The following SERPINA5 variants were observed in gnomAD, a reference collection of about 807,000 sequenced individuals.
SERPINA5 encodes serpin family A member 5, also known as plasma serine protease inhibitor.
Under a neutral mutation model 25.3 loss-of-function variants are expected in SERPINA5, and 25 were observed. The ratio of observed to expected loss-of-function variants is 0.99; its 90% confidence interval spans 0.72 to 1.38. The LOEUF (loss-of-function observed/expected upper bound fraction) is 1.38, where lower values mean the gene tolerates loss of function less well. SERPINA5 is among the 40% of genes most tolerant of loss of function. The probability of loss-of-function intolerance (pLI) is 0.00; values close to 1 mark genes in which losing one functional copy is unlikely to be tolerated. For synonymous variants in SERPINA5, 234 were observed against 206.2 expected, an observed-to-expected ratio of 1.14 and a Z score of -1.16; for missense variants, 599 against 509.5, an observed-to-expected ratio of 1.18 and a Z score of -1.69.
chr14:94,591,248 ATCCACTCCACTCC>A (rs1242235522), intron 5 of SERPINA5, among the ~76,000 whole-genome samples: 177 of 58,064 alleles, frequency 3.0e-3, no homozygotes, highest in Middle Eastern at 0.017. Context: ...CACTCCACTC[ATCCACTCCACTCC>A]TCCACTCCAC....
Position 94,592,142 on chromosome 14 carries a change from C to T in SERPINA5, c.1124C>T (p.Ala375Val). The T allele has an allele frequency of 6.2e-7, 1 of 1,614,156 alleles. No individual in the cohort carries two copies. The highest frequency in any genetic ancestry group is 8.5e-7 in the Non-Finnish European group (1 of 1,180,024). ...GGGACAATATTCACTTTCAGGTCGG[C>T]CCGCCTGAACTCTCAGAGGCTAGTG... ...ATGTIFTFRS[A>V]RLNSQRLVFN... The change falls in exon 6 of 6, where the codon GCC becomes GTC. Residue 375 changes from alanine (A) to valine (V), a missense_variant. By Grantham distance (64) the Ala-to-Val change is moderately conservative (BLOSUM62 0). Coordinates refer to ENST00000329597, the MANE Select transcript of SERPINA5 (RefSeq NM_000624.6).
rs773570187 is a variant in SERPINA5 at position 94,587,590 on chromosome 14, G to A, written c.228G>A (p.Leu76=). 1 of 1,613,980 alleles carries A rather than the reference G, an allele frequency of 6.2e-7. No homozygotes were observed. The highest frequency in any genetic ancestry group is 1.1e-5 in the South Asian group (1 of 91,054). The change falls in exon 3 of 6, where the codon CTG becomes CTA. Residue 76 remains leucine (L), a synonymous_variant. Transcript: ENST00000329597. ...FFSPVSISMS[L]AMLSLGAGSS... is the part of the protein sequence containing the mutation. ...CCCCTGTGAGCATCTCCATGAGCCT[G>A]GCCATGCTCTCCCTGGGGGCTGGGT...
rs777555012 is a variant in SERPINA5 at position 94,592,261 on chromosome 14, T to C, written c.*22T>C. The C allele has an allele frequency of 6.2e-7, 1 of 1,603,380 alleles. No individual in the cohort carries two copies. Among genetic ancestry groups the C allele is most frequent in the Non-Finnish European group, 8.5e-7 (1 of 1,173,182 alleles). On this transcript the variant is annotated 3_prime_UTR_variant, in exon 6 of 6. Transcript: ENST00000329597. ...CTGAGGTGGGGCTTCTCCTGAAATC[T>C]ACAGGCCTCAGGGTGGGAGATGAAG... is the stretch of plus-strand genomic sequence containing the variant.
intron 2 of SERPINA5, among the ~76,000 whole-genome samples, chr14:94,585,367 T>G (rs1885041359): frequency 6.6e-6 from 1 of 152,080 alleles, no homozygotes; most frequent in Admixed American, 6.5e-5. Context: ...AGGCTCCTTC[T>G]CGGAAGGAGC....
intron 5 of SERPINA5, among the ~76,000 whole-genome samples, chr14:94,591,211 C>A: frequency 6.8e-6 from 1 of 147,794 alleles, no homozygotes; most frequent in Non-Finnish European, 1.5e-5. Context: ...CTCCACATCT[C>A]CACTCCACTC....
chr14:94,582,966 G>A (rs547011569), intron 2 of SERPINA5, among the ~76,000 whole-genome samples: 2 of 152,296 alleles, frequency 1.3e-5, no homozygotes, highest in South Asian at 4.1e-4. Flanking sequence ...AAGGTTGGGG[G>A]AGGGTTCCAG....
chr14:94,585,687 G>A (rs1169658520), intron 2 of SERPINA5, among the ~76,000 whole-genome samples: 2 of 152,120 alleles, frequency 1.3e-5, no homozygotes, highest in East Asian at 1.9e-4. Context: ...GCGACACACA[G>A]GGCAAAGCTC....
rs1170856318 is a variant in SERPINA5, at chr14:94,587,441, A to G, written c.79A>G (p.Met27Val). The G allele has an allele frequency of 6.2e-7, 1 of 1,614,028 alleles. No individual in the cohort carries two copies. Residue 27 changes from methionine to valine, a missense_variant, in exon 3 of 6, where the codon ATG (methionine) becomes GTG (valine). Coordinates refer to ENST00000329597, the MANE Select transcript of SERPINA5 (RefSeq NM_000624.6). ...CCTTCACCGCCACCACCCCCGGGAG[A>G]TGAAGAAGAGAGTCGAGGACCTCCA... Reference protein sequence around the residue: ...ASLHRHHPREMKKRVEDLHVG... With the variant: ...ASLHRHHPREVKKRVEDLHVG...
intron 5 of SERPINA5, among the ~76,000 whole-genome samples, chr14:94,591,499 C>T (rs756253729): frequency 5.9e-5 from 9 of 151,766 alleles, no homozygotes; most frequent in Admixed American, 1.3e-4. Context: ...CCCCTCCACT[C>T]CATTCCATTG....
At position 94,592,407 on chromosome 14, in the gene SERPINA5, A is replaced by G. The variant is rs1885336029; in HGVS notation, c.*168A>G. The G allele has an allele frequency of 4.6e-6, 3 of 649,586 alleles. No individual in the cohort carries two copies. The highest frequency in any genetic ancestry group is 1.8e-5 in the African/African-American group (1 of 55,026). The allele number at this position is 649,586 out of a possible 1,614,324, so 40.2% of individuals were successfully genotyped here. A position where few individuals can be genotyped will look rare whatever the true frequency, so the allele number is the denominator to read the frequency against. On this transcript the variant is annotated 3_prime_UTR_variant, in exon 6 of 6. Transcript: ENST00000329597. ...GATTGCTTCCACCCACACGACTGCA[A>G]CATACAGGTGCCTTGGGGAAATGTG... is the stretch of plus-strand genomic sequence containing the variant.
chr14:94,587,197 C>A, intron 2 of SERPINA5, 149 bp from the exon 3 acceptor site: 1 of 712,210 alleles, frequency 1.4e-6, no homozygotes, highest in Non-Finnish European at 2.3e-6. Flanking sequence ...CTGTGTAAAC[C>A]CTCATGCCCA....
chr14:94,589,770 T>C (rs2069983), intron 3 of SERPINA5, among the ~76,000 whole-genome samples: 231 of 152,288 alleles, frequency 1.5e-3, no homozygotes, highest in African/African-American at 5.0e-3. Flanking sequence ...TCAGAGAACA[T>C]CAGGGGTCCA....
At chr14:94,591,549 G>GTTCTATTCTATTCTGTTCTA (rs1885292267) in intron 5 of SERPINA5, among the ~76,000 whole-genome samples, 1 of 108,222 alleles carries the variant, frequency 9.2e-6, no homozygotes, top group Non-Finnish European at 1.8e-5. Flanking sequence ...ATTCTGTTCT[G>GTTCTATTCTATTCTGTTCTA]TTCTATTCTA....
Position 94,587,580 on chromosome 14 carries a change from C to G in SERPINA5, c.218C>G (p.Ser73Cys). ...QSIFFSPVSI[S>C]MSLAMLSLGA... The stretch of plus-strand genomic sequence containing the variant: ...ATCTTCTTCTCCCCTGTGAGCATCT[C>G]CATGAGCCTGGCCATGCTCTCCCTG... The change falls in exon 3 of 6, where the codon TCC becomes TGC. Residue 73 changes from serine (S) to cysteine (C), a missense_variant. Ser to Cys is a moderately radical substitution (Grantham distance 112, BLOSUM62 -1). Transcript: ENST00000329597. 6.2e-7 allele frequency: 1 copy of G among 1,614,100 alleles called. No individual in the cohort carries two copies. Among genetic ancestry groups the G allele is most frequent in the Non-Finnish European group, 8.5e-7 (1 of 1,179,940 alleles).
chr14:94,588,011 T>C, intron 3 of SERPINA5, 30 bp downstream of exon 3: 3 of 1,588,018 alleles, frequency 1.9e-6, no homozygotes, highest in Non-Finnish European at 2.6e-6. Context: ...ACCTGCACTT[T>C]CTTTGGCTTT....
intron 5 of SERPINA5, among the ~76,000 whole-genome samples, 186 bp from the exon 6 acceptor site, chr14:94,591,871 C>T (rs181960588): frequency 9.2e-5 from 14 of 152,310 alleles, no homozygotes; most frequent in Admixed American, 2.0e-4. Flanking sequence ...CAGACACATG[C>T]GAAGTCACCC....
intron 5 of SERPINA5, among the ~76,000 whole-genome samples, chr14:94,591,138 T>G (rs1295003827): frequency 1.3e-5 from 2 of 148,614 alleles, no homozygotes; most frequent in Non-Finnish European, 3.0e-5. Flanking sequence ...TCCAGTTCAC[T>G]CTATTCCATT....
chr14:94,585,480 A>G (rs1333899048), intron 2 of SERPINA5, among the ~76,000 whole-genome samples: 2 of 152,124 alleles, frequency 1.3e-5, no homozygotes, highest in Non-Finnish European at 2.9e-5. Flanking sequence ...AATTCCTGAG[A>G]CCATTCTCTC....
At chr14:94,587,240 T>A in intron 2 of SERPINA5, 106 bp from the exon 3 acceptor site, 1 of 1,083,228 alleles carries the variant, frequency 9.2e-7, no homozygotes, top group Non-Finnish European at 1.3e-6. Context: ...TCTTTGAAGC[T>A]GAATGGACCA....
Sources: gnomAD v4.1 joint callset for allele counts (sites outside exome capture counted in the v4.1 genomes callset) on GRCh38, gnomAD v4.1.1 for gene constraint, MANE v1.5 for transcripts, NCBI Gene and HGNC (gene_info 2026-07-23, HGNC 2026-07-21) for gene names.